Variants in SYNE1 observed in about 807,000 individuals in gnomAD.
The protein encoded by SYNE1 is nesprin-1.
In SYNE1, 616 loss-of-function variants were observed where a neutral mutation model predicts 1,111.0. That is an observed-to-expected ratio of 0.55 (90% CI 0.52 to 0.59). The LOEUF is 0.59. SYNE1 is among the 20% of genes least tolerant of loss of function. SYNE1 has a pLI of 0.00. For missense variants in SYNE1, 10,006 were observed against 10,417.0 expected, an observed-to-expected ratio of 0.96 and a Z score of 1.72; for synonymous variants, 3,855 against 3,825.8, an observed-to-expected ratio of 1.01 and a Z score of -0.28.
intron 130 of SYNE1, among the ~76,000 whole-genome samples, chr6:152,172,763 A>G (rs938274108): frequency 7.2e-5 from 11 of 152,122 alleles, no homozygotes; most frequent in Non-Finnish European, 1.3e-4. Flanking sequence ...TTGACTTTTA[A>G]AAAAAGCCAA....
intron 3 of SYNE1, among the ~76,000 whole-genome samples, chr6:152,549,532 G>C (rs924246690): frequency 1.3e-5 from 2 of 152,058 alleles, no homozygotes; most frequent in Non-Finnish European, 2.9e-5. Flanking sequence ...TATTTCTTTG[G>C]GCCTGTCTCC....
chr6:152,386,373 G>A (rs1441138453), intron 54 of SYNE1, among the ~76,000 whole-genome samples: 2 of 152,066 alleles, frequency 1.3e-5, no homozygotes, highest in African/African-American at 2.4e-5. Context: ...TTTTTGACTT[G>A]AGTCATAGCT....
At chr6:152,451,297 T>A in intron 25 of SYNE1, 92 bp from the exon 26 acceptor site, 1 of 1,332,682 alleles carries the variant, frequency 7.5e-7, no homozygotes, top group Non-Finnish European at 1.1e-6. Context: ...ACAAAAACCA[T>A]AACATATTCC....
intron 124 of SYNE1, 101 bp downstream of exon 124, chr6:152,211,393 G>C: frequency 1.0e-6 from 1 of 965,276 alleles, no homozygotes; most frequent in Non-Finnish European, 1.6e-6. Flanking sequence ...CAGTTCAATT[G>C]CCTCAGGAAG....
At chr6:152,549,654 C>A (rs183186126) in intron 3 of SYNE1, among the ~76,000 whole-genome samples, 9 of 152,116 alleles carry the variant, frequency 5.9e-5, no homozygotes, top group Admixed American at 5.2e-4. Context: ...AAGGGACAGA[C>A]GAGAAGAGAG....
rs1421332187 is a variant in SYNE1 at position 152,462,875 on chromosome 6, C to G, written c.2113G>C (p.Glu705Gln). The change falls in exon 20 of 146, where the codon GAG becomes CAG. Residue 705 changes from glutamate to glutamine, a missense_variant. Transcript: ENST00000367255. ...MEVKQYAQADEMDRMKKEYTD... is the reference protein window; with the variant it reads ...MEVKQYAQADQMDRMKKEYTD... ...TATTCCTTCTTCATTCTGTCCATCTCATCAGCTTGAGCATACTGTTAAGGA... is the reference window on the plus strand; with the variant it reads ...TATTCCTTCTTCATTCTGTCCATCTGATCAGCTTGAGCATACTGTTAAGGA... 1.2e-6 allele frequency: 2 copies of G among 1,613,796 alleles called. No individual in the cohort carries two copies. Among genetic ancestry groups the G allele is most frequent in the Non-Finnish European group, 1.7e-6 (2 of 1,179,894 alleles).
chr6:152,317,675 A>C (rs2095765860), intron 86 of SYNE1, among the ~76,000 whole-genome samples: 1 of 152,208 alleles, frequency 6.6e-6, no homozygotes, highest in Non-Finnish European at 1.5e-5. Flanking sequence ...TATATGCAAC[A>C]ATTATTACAG....
rs762177293 is a variant in SYNE1 at position 152,220,960 on chromosome 6, G to T, written c.21743C>A (p.Ser7248Tyr). The change falls in exon 119 of 146, where the codon TCC becomes TAC. Residue 7248 changes from serine (S) to tyrosine (Y), a missense_variant. Coordinates refer to ENST00000367255, the MANE Select transcript of SYNE1 (RefSeq NM_182961.4). ...LQLWQRYKDY[S>Y]KQCASTVQQQ... ...CTGAACTGTCGAAGCACACTGTTTGGAGTAGTCCTTGTATCTTTGCCAAAG... is the reference window on the plus strand; with the variant it reads ...CTGAACTGTCGAAGCACACTGTTTGTAGTAGTCCTTGTATCTTTGCCAAAG... 1 of 1,614,176 alleles carries T rather than the reference G, an allele frequency of 6.2e-7. No homozygotes were observed. Among genetic ancestry groups the T allele is most frequent in the South Asian group, 1.1e-5 (1 of 91,086 alleles).
chr6:152,510,417 T>C, intron 7 of SYNE1, 46 bp from the exon 8 acceptor site: 6 of 1,595,000 alleles, frequency 3.8e-6, no homozygotes, highest in East Asian at 2.3e-5. Context: ...ATTATCTTTG[T>C]TATTATTTCC....
At chr6:152,283,369 C>T (rs1448016952) in intron 96 of SYNE1, among the ~76,000 whole-genome samples, 1 of 152,170 alleles carries the variant, frequency 6.6e-6, no homozygotes, top group East Asian at 1.9e-4. Flanking sequence ...AACCATTATG[C>T]AAATCCTCTA....
At chr6:152,423,569 C>T (rs2098302788) in intron 39 of SYNE1, among the ~76,000 whole-genome samples, 1 of 152,190 alleles carries the variant, frequency 6.6e-6, no homozygotes, top group Non-Finnish European at 1.5e-5. Flanking sequence ...TTCCTCCCTC[C>T]CACCTTTGCC....
intron 3 of SYNE1, among the ~76,000 whole-genome samples, chr6:152,548,555 G>C (rs1287940570): frequency 6.6e-6 from 1 of 152,198 alleles, no homozygotes; most frequent in Non-Finnish European, 1.5e-5. Flanking sequence ...TATGGATTGA[G>C]AGAAATTTCA....
intron 100 of SYNE1, among the ~76,000 whole-genome samples, chr6:152,267,220 T>C (rs1348544446): frequency 1.4e-4 from 22 of 152,108 alleles, no homozygotes; most frequent in Non-Finnish European, 5.9e-5. Flanking sequence ...TATTCAGAAA[T>C]GGGAAATGGA....
At chr6:152,493,382 A>C (rs1162884500) in intron 11 of SYNE1, among the ~76,000 whole-genome samples, 1 of 151,914 alleles carries the variant, frequency 6.6e-6, no homozygotes, top group Non-Finnish European at 1.5e-5. Flanking sequence ...CTATTCCTTT[A>C]CACCCTTCAT....
chr6:152,365,593 G>A (rs905714457), intron 62 of SYNE1, among the ~76,000 whole-genome samples: 3 of 151,840 alleles, frequency 2.0e-5, no homozygotes. Flanking sequence ...CTTGGTAGCT[G>A]GGACTACAGG....
Position 152,381,441 on chromosome 6 carries a change from G to C in SYNE1, c.8653-79C>G. The C allele has an allele frequency of 2.8e-6, 4 of 1,433,558 alleles. 1 individual carries two copies. Among genetic ancestry groups the C allele is most frequent in the Non-Finnish European group, 1.9e-6 (2 of 1,026,558 alleles). The allele number at this position is 1,433,558 out of a possible 1,614,324, so 88.8% of individuals were successfully genotyped here. On this transcript the variant is annotated intron_variant, in intron 55 of 145. Transcript: ENST00000367255. ...CAAGTTTTCAACTGTGTACACAGGG[G>C]GACCCTGTCCTGCCAGGAAGTTTTA... is the stretch of plus-strand genomic sequence containing the variant.
At chr6:152,573,306 A>T (rs552795044) in intron 3 of SYNE1, among the ~76,000 whole-genome samples, 1 of 147,538 alleles carries the variant, frequency 6.8e-6, no homozygotes, top group South Asian at 2.2e-4. Context: ...AGCATTAGGT[A>T]TATCTCCTAA....
rs2097782799 is a variant in SYNE1 at position 152,399,613 on chromosome 6, C to A, written c.7237+3G>T. 6.2e-7 allele frequency: 1 copy of A among 1,613,946 alleles called. No individual in the cohort carries two copies. Among genetic ancestry groups the A allele is most frequent in the Non-Finnish European group, 8.5e-7 (1 of 1,179,996 alleles). Reference sequence around the variant, plus strand: ...ACTCATGCTAAGGCCCCTCAGAACTCACCACTGAAGTGTTTTTCCAGAGAT... The same window carrying A: ...ACTCATGCTAAGGCCCCTCAGAACTAACCACTGAAGTGTTTTTCCAGAGAT... On this transcript the variant is annotated splice_donor_region_variant and intron_variant, in intron 48 of 145. Coordinates refer to ENST00000367255, the MANE Select transcript of SYNE1 (RefSeq NM_182961.4).
chr6:152,412,626 T>C (rs1251211934), intron 42 of SYNE1, among the ~76,000 whole-genome samples: 1 of 152,136 alleles, frequency 6.6e-6, no homozygotes, highest in Non-Finnish European at 1.5e-5. Flanking sequence ...TTTTAGGTGG[T>C]AGAACTTTCA....
Sources: gnomAD v4.1 joint callset for allele counts (sites outside exome capture counted in the v4.1 genomes callset) on GRCh38, gnomAD v4.1.1 for gene constraint, MANE v1.5 for transcripts, NCBI Gene and HGNC (gene_info 2026-07-23, HGNC 2026-07-21) for gene names.